Variants in SPAG5 observed in about 807,000 individuals in gnomAD.
The protein encoded by SPAG5 is sperm-associated antigen 5.
Under a neutral mutation model 145.4 loss-of-function variants are expected in SPAG5, and 99 were observed. The observed-to-expected ratio is 0.68, with a 90% CI of 0.58 to 0.80. The LOEUF (loss-of-function observed/expected upper bound fraction) is 0.80. Among genes scored for constraint, SPAG5 ranks in the 30% least tolerant of loss-of-function variants. The pLI is 0.00. For missense variants in SPAG5, 1,192 were observed against 1,416.0 expected (o/e 0.84, Z 2.54); for synonymous variants, 477 against 525.4 (o/e 0.91, Z 1.26).
chr17:28,593,519 G>A (rs915291600), intron 2 of SPAG5, among the ~76,000 whole-genome samples: 1 of 152,160 alleles, frequency 6.6e-6, no homozygotes, highest in African/African-American at 2.4e-5. Flanking sequence ...GAGGCCACAA[G>A]CAGGTGGATC....
rs1449584916 is a variant in SPAG5, at chr17:28,580,102, G to A, written c.2704C>T (p.Leu902=). ...GTGGGAGGACAGGCTGTACTCAGCA[G>A]AAGGGTCTCTTGTTCAGTCTAAGGG... ...LKEKTEQETL[L]LSTACPPTQE... The change falls in exon 16 of 24, where the codon CTG becomes TTG. Residue 902 remains leucine (L), a synonymous_variant. Transcript: ENST00000321765. 2 of 1,613,828 alleles carry A rather than the reference G, an allele frequency of 1.2e-6. No homozygotes were observed. Among genetic ancestry groups the A allele is most frequent in the Admixed American group, 1.7e-5 (1 of 59,988 alleles).
Position 28,584,337 on chromosome 17 carries a change from C to A in SPAG5, c.2305G>T (p.Ala769Ser). The A allele has an allele frequency of 6.2e-7, 1 of 1,614,170 alleles. No individual in the cohort carries two copies. The highest frequency in any genetic ancestry group is 8.5e-7 in the Non-Finnish European group (1 of 1,180,042). The stretch of plus-strand genomic sequence containing the variant: ...AGTACCCCGTTAGGAACTCACTGAG[C>A]AGCCTGCTCCTCATTGCTCTGGGTA... ...QLTQSNEEQA[A>S]QWQKEEMALK... Residue 769 changes from alanine to serine, a missense_variant, in exon 12 of 24, where the codon GCT (alanine) becomes TCT (serine). This residue lies in a region of SPAG5 where 709 missense variants were observed against 840.7 expected (regional missense o/e 0.84). Coordinates refer to ENST00000321765, the MANE Select transcript of SPAG5 (RefSeq NM_006461.4).
intron 4 of SPAG5, among the ~76,000 whole-genome samples, chr17:28,588,974 A>C (rs2070603297): frequency 6.6e-6 from 1 of 151,872 alleles, no homozygotes; most frequent in Non-Finnish European, 1.5e-5. Flanking sequence ...GAGCCACCAC[A>C]TTGGGCCAAC....
rs2070581627 is a variant in SPAG5 at position 28,585,858 on chromosome 17, C to G, written c.1740+6G>C. ...CACATCCAAGAACAAATGCCTGTCA[C>G]CTTACCGCATCCTTGCCTCTGAGAG... On this transcript the variant is annotated splice_donor_region_variant and intron_variant, in intron 7 of 23. Coordinates refer to ENST00000321765, the MANE Select transcript of SPAG5 (RefSeq NM_006461.4). 1.2e-6 allele frequency: 2 copies of G among 1,614,114 alleles called. No homozygotes were observed. Among genetic ancestry groups the G allele is most frequent in the South Asian group, 2.2e-5 (2 of 91,092 alleles).
At chr17:28,582,744 T>C (rs1199784826) in intron 15 of SPAG5, 1 of 152,234 alleles carries the variant, frequency 6.6e-6, no homozygotes, top group African/African-American at 2.4e-5. Flanking sequence ...TTCTGAATGA[T>C]GTCAACCATT....
chr17:28,592,266 T>C lies in SPAG5; in HGVS notation c.978A>G (p.Glu326=), dbSNP rs2070627067. 1.2e-6 allele frequency: 2 copies of C among 1,614,196 alleles called. No homozygotes were observed. Among genetic ancestry groups the C allele is most frequent in the East Asian group, 4.5e-5 (2 of 44,892 alleles). The change falls in exon 3 of 24, where the codon GAA becomes GAG. Residue 326 remains glutamate, a synonymous_variant. Transcript: ENST00000321765. ...CAGAGCCAAGAATCCTACCAACATC[T>C]TCTACTGCTGGGCCTGGAGCTTCTT... is the stretch of plus-strand genomic sequence containing the variant. ...ESQEAPGPAV[E]DVGRILGSDT... is the part of the protein sequence containing the mutation.
At position 28,592,960 on chromosome 17, in the gene SPAG5, T is replaced by C. The variant is rs2070634122; in HGVS notation, c.284A>G (p.His95Arg). ...HSSKWLETCQ[H>R]ESDEQPLDPI... The stretch of plus-strand genomic sequence containing the variant: ...ATCTAGAGGCTGCTCATCTGATTCA[T>C]GCTGACAAGTTTCTAGCCACTTTGA... The change falls in exon 3 of 24, where the codon CAT becomes CGT. Residue 95 changes from histidine (H) to arginine (R), a missense_variant. Transcript: ENST00000321765. 2 of 1,614,206 alleles carry C rather than the reference T, an allele frequency of 1.2e-6. No homozygotes were observed. The highest frequency in any genetic ancestry group is 1.3e-5 in the African/African-American group (1 of 75,052).
At chr17:28,591,447 T>C (rs1253685125) in intron 4 of SPAG5, among the ~76,000 whole-genome samples, 1 of 152,236 alleles carries the variant, frequency 6.6e-6, no homozygotes, top group African/African-American at 2.4e-5. Flanking sequence ...AAATCTTTTG[T>C]AGGGATGGGA....
intron 19 of SPAG5, among the ~76,000 whole-genome samples, 169 bp downstream of exon 19, chr17:28,578,972 C>T (rs2070528873): frequency 6.6e-6 from 1 of 152,194 alleles, no homozygotes. Flanking sequence ...CCTGGGAAGA[C>T]AGGTCAGCCC....
In SPAG5 at chr17:28,592,841, A is replaced by G. The variant is rs759899286; in HGVS notation, c.403T>C (p.Ser135Pro). 1 of 1,614,156 alleles carries G rather than the reference A, an allele frequency of 6.2e-7. No individual in the cohort carries two copies. The highest frequency in any genetic ancestry group is 8.5e-7 in the Non-Finnish European group (1 of 1,180,026). ...YMVKTIVLVP[S>P]PLGQQQDMIF... Reference sequence around the variant, plus strand: ...ATGTCTTGTTGCTGCCCCAGTGGAGATGGTACAAGGACGATGGTTTTAACC... The same window carrying G: ...ATGTCTTGTTGCTGCCCCAGTGGAGGTGGTACAAGGACGATGGTTTTAACC... Residue 135 changes from serine to proline, a missense_variant, in exon 3 of 24, where the codon TCT becomes CCT. This residue lies in a region of SPAG5 where 329 missense variants were observed against 354.0 expected (regional missense o/e 0.93). Transcript: ENST00000321765.
Position 28,578,041 on chromosome 17 carries a change from T to C in SPAG5, c.3479A>G (p.Lys1160Arg). The change falls in exon 23 of 24, where the codon AAA (lysine) becomes AGA (arginine). Residue 1160 changes from lysine (K) to arginine (R), a missense_variant. Lys to Arg is a conservative substitution (Grantham distance 26, BLOSUM62 2). Transcript: ENST00000321765. ...NLRRSDKELE[K>R]LDDIVQHIYK... ...AATATGCTGAACAATGTCATCTAGT[T>C]TTTCTAACTCCTTGTCAGAGCGCCG... 6.2e-7 allele frequency: 1 copy of C among 1,614,112 alleles called. No individual in the cohort carries two copies. The highest frequency in any genetic ancestry group is 1.3e-5 in the African/African-American group (1 of 75,046).
chr17:28,589,367 G>C (rs1203382607), intron 4 of SPAG5, among the ~76,000 whole-genome samples: 1 of 151,956 alleles, frequency 6.6e-6, no homozygotes, highest in Non-Finnish European at 1.5e-5. Context: ...CCAAAGTGTT[G>C]GGATTACAGG....
rs141748074 is a variant in SPAG5, at chr17:28,587,667, A to C, written c.1438-1168T>G. Among the ~76,000 whole-genome samples the C allele has an allele frequency of 4.0e-3, 575 of 145,070 alleles. 5 individuals carry two copies. The highest frequency in any genetic ancestry group is 0.014 in the African/African-American group (555 of 38,536). On this transcript the variant is annotated intron_variant, in intron 4 of 23. Transcript: ENST00000321765. ...CAGGAGGTAGAGGCTGCAGTGAGCC[A>C]TGTTCGTGCCACTGCACTCCAGTGT... is the stretch of plus-strand genomic sequence containing the variant.
intron 19 of SPAG5, 94 bp from the exon 20 acceptor site, chr17:28,578,846 GC>G: frequency 9.9e-7 from 1 of 1,011,888 alleles, no homozygotes; most frequent in Non-Finnish European, 1.6e-6. Context: ...CCCATGCTTA[GC>G]CCACATGGGA....
chr17:28,583,442 GT>G (rs1444200834), intron 15 of SPAG5, 68 bp downstream of exon 15: 5 of 1,471,788 alleles, frequency 3.4e-6, no homozygotes, highest in Non-Finnish European at 4.6e-6. Flanking sequence ...AAAGAGTAAT[GT>G]TTTAGGAAGA....
chr17:28,588,022 A>C (rs2151521582), intron 4 of SPAG5, among the ~76,000 whole-genome samples: 1 of 152,336 alleles, frequency 6.6e-6, no homozygotes, highest in South Asian at 2.1e-4. Flanking sequence ...CTAAGAGAAA[A>C]GTGGGAGTCT....
At chr17:28,598,241 TG>T (rs1010013037) in intron 2 of SPAG5, among the ~76,000 whole-genome samples, 2 of 151,926 alleles carry the variant, frequency 1.3e-5, no homozygotes, top group Non-Finnish European at 2.9e-5. Context: ...CTAATCAGGG[TG>T]GTAGGATTTC....
At chr17:28,598,692 C>T in intron 1 of SPAG5, 57 bp from the exon 2 acceptor site, 5 of 1,556,890 alleles carry the variant, frequency 3.2e-6, no homozygotes, top group South Asian at 1.2e-5. Flanking sequence ...TCTGCCAGCC[C>T]GCCCCTCCTC....
intron 10 of SPAG5, 111 bp from the exon 11 acceptor site, chr17:28,584,856 A>G (rs1195270965): frequency 3.4e-6 from 3 of 888,794 alleles, no homozygotes; most frequent in Non-Finnish European, 3.7e-6. Flanking sequence ...GCTCCTGGGC[A>G]TCAACATTGC....
Sources: allele counts gnomAD v4.1 joint callset (sites outside exome capture counted in the v4.1 genomes callset), GRCh38; gene constraint gnomAD v4.1.1; regional missense constraint gnomAD v4.1.1; transcripts MANE v1.5; gene names NCBI Gene and HGNC (gene_info 2026-07-23, HGNC 2026-07-21).